Variants in SMC2 observed in about 807,000 individuals in gnomAD.
The protein encoded by SMC2 is structural maintenance of chromosomes protein 2.
A neutral mutation model predicts 142.6 loss-of-function variants in SMC2; 41 were observed. The ratio of observed to expected loss-of-function variants is 0.29; its 90% CI spans 0.22 to 0.37. The LOEUF (loss-of-function observed/expected upper bound fraction) is 0.37. SMC2 is among the 10% of genes least tolerant of loss of function. The pLI, the probability that SMC2 is intolerant of heterozygous loss-of-function variation, is 1.00. For missense variants in SMC2, 1,265 were observed against 1,373.7 expected, an observed-to-expected ratio of 0.92 and a Z score of 1.25; for synonymous variants, 463 against 457.5, an observed-to-expected ratio of 1.01 and a Z score of -0.15.
In SMC2 at chr9:104,131,518, A is replaced by C. The variant is rs538241426; in HGVS notation, c.2992-491A>C. ...ATGTATCCCAAAACTTAAAATTAAA[A>C]AAAAGTAAGGTCCAATTTATGTGGT... On this transcript the variant is annotated intron_variant, in intron 21 of 24. Transcript: ENST00000374793. 3.3e-5 allele frequency among the ~76,000 whole-genome samples: 5 copies of C among 152,242 alleles called. No individual in the cohort carries two copies. The South Asian group carries it at 1.0e-3, about 32-fold the overall frequency.
chr9:104,138,225 T>C (rs1835759966), intron 24 of SMC2, 60 bp downstream of exon 24: 8 of 1,372,972 alleles, frequency 5.8e-6, no homozygotes, highest in Non-Finnish European at 6.9e-6. Flanking sequence ...TCTAAAACCA[T>C]TCTTTAGTTA....
intron 15 of SMC2, 57 bp from the exon 16 acceptor site, chr9:104,119,970 T>G: frequency 6.6e-7 from 1 of 1,524,236 alleles, no homozygotes; most frequent in Admixed American, 2.1e-5. Flanking sequence ...GACTTTTTAT[T>G]GTGTAGTACA....
intron 9 of SMC2, among the ~76,000 whole-genome samples, chr9:104,108,763 C>T (rs1427518345): frequency 9.1e-6 from 1 of 110,408 alleles, no homozygotes; most frequent in Non-Finnish European, 2.1e-5. Context: ...TAGTAATAGA[C>T]AGTAAAATCC....
chr9:104,105,875 AG>A (rs1831709250), intron 9 of SMC2, among the ~76,000 whole-genome samples: 1 of 152,038 alleles, frequency 6.6e-6, no homozygotes. Flanking sequence ...ACAGCTTGGG[AG>A]GTGTTATGCT....
chr9:104,139,377 G>T lies in SMC2; in HGVS notation c.*62G>T. The T allele has an allele frequency of 7.4e-7, 1 of 1,348,806 alleles. No individual in the cohort carries two copies. Among genetic ancestry groups the T allele is most frequent in the Non-Finnish European group, 1.0e-6 (1 of 989,166 alleles). 83.6% of individuals were successfully genotyped at this position (1,348,806 alleles called of 1,614,324 possible). ...TAAATGTAAACTTTTAAGGACTTGA[G>T]ATAACTAATTTGTTTATATACAAAA... On this transcript the variant is annotated 3_prime_UTR_variant, in exon 25 of 25. Transcript: ENST00000374793.
At chr9:104,103,091 G>A (rs1465249637) in intron 9 of SMC2, among the ~76,000 whole-genome samples, 2 of 152,074 alleles carry the variant, frequency 1.3e-5, no homozygotes, top group African/African-American at 4.8e-5. Flanking sequence ...TTAAATCCAT[G>A]AGACTAGATA....
intron 3 of SMC2, among the ~76,000 whole-genome samples, chr9:104,098,181 C>T (rs1052346791): frequency 2.0e-5 from 3 of 152,156 alleles, no homozygotes; most frequent in South Asian, 2.1e-4. Context: ...GAAGTTACCT[C>T]GGAGACCTAG....
intron 18 of SMC2, among the ~76,000 whole-genome samples, chr9:104,125,676 A>G (rs1834188583): frequency 6.6e-6 from 1 of 152,148 alleles, no homozygotes; most frequent in Non-Finnish European, 1.5e-5. Context: ...ATAAGCACCT[A>G]AATGAATGTG....
At position 104,134,315 on chromosome 9, in the gene SMC2, T is replaced by C. The variant is rs539012569; in HGVS notation, c.3109-100T>C. The C allele has an allele frequency of 6.8e-5, 53 of 775,916 alleles. 1 individual carries two copies. In the South Asian group the frequency reaches 1.4e-3, roughly 20 times the overall value. 48.1% of individuals were successfully genotyped at this position (775,916 alleles called of 1,614,324 possible). On this transcript the variant is annotated intron_variant, in intron 22 of 24. Transcript: ENST00000374793. ...TTTGTCAGCCCCTGAGTTAGAGTAA[T>C]AGACAAAGTAGACCTGCTGTGTTGC...
rs117305566 is a variant in SMC2, at chr9:104,125,317, A to C, written c.2451+212A>C. ...CAAAATACAAATTAGAAACTTTTTGAGTGTTGATCTGAGGCTCAAAGGAAA... is the reference window on the plus strand; with the variant it reads ...CAAAATACAAATTAGAAACTTTTTGCGTGTTGATCTGAGGCTCAAAGGAAA... On this transcript the variant is annotated intron_variant, in intron 18 of 24. Transcript: ENST00000374793. 5.5e-3 allele frequency among the ~76,000 whole-genome samples: 831 copies of C among 152,180 alleles called. 2 individuals carry two copies. Among genetic ancestry groups the C allele is most frequent in the East Asian group, 0.015 (79 of 5,178 alleles).
intron 21 of SMC2, 32 bp downstream of exon 21, chr9:104,129,877 A>G (rs1279941747): frequency 1.9e-6 from 3 of 1,541,946 alleles, no homozygotes; most frequent in Middle Eastern, 1.7e-4. Context: ...ATCTGGCCGC[A>G]TTAGAACATG....
At chr9:104,111,952 C>G (rs556717328) in intron 10 of SMC2, 138 bp downstream of exon 10, 6 of 623,460 alleles carry the variant, frequency 9.6e-6, no homozygotes, top group African/African-American at 9.2e-5. Context: ...TTCTGCAACT[C>G]TAATGCCTAA....
upstream of SMC2, among the ~76,000 whole-genome samples, chr9:104,093,420 T>C (rs528747570): frequency 4.6e-5 from 7 of 152,310 alleles, no homozygotes; most frequent in East Asian, 1.3e-3. Flanking sequence ...CCCAGCTTAC[T>C]AGACAAGCTG....
intron 14 of SMC2, 24 bp downstream of exon 14, chr9:104,116,343 A>T (rs769425283): frequency 6.3e-7 from 1 of 1,584,992 alleles, no homozygotes; most frequent in East Asian, 2.3e-5. Context: ...TGTCTTATTT[A>T]TATGTTTAAT....
At position 104,100,391 on chromosome 9, in the gene SMC2, A is replaced by G; in HGVS notation, c.594A>G (p.Ile198Met). 2 of 1,522,464 alleles carry G rather than the reference A, an allele frequency of 1.3e-6. No individual in the cohort carries two copies. The highest frequency in any genetic ancestry group is 1.8e-6 in the Non-Finnish European group (2 of 1,101,624). 94.3% of individuals were successfully genotyped at this position (1,522,464 alleles called of 1,614,324 possible). ...ACTGATTTTTCTTTATTTTCCAGAT[A>G]CTTGAAGAAGAGATTACTCCAACCA... is the stretch of plus-strand genomic sequence containing the variant. ...KEAKLKEIKT[I>M]LEEEITPTIQ... Residue 198 changes from isoleucine (I) to methionine (M), a missense_variant and splice_region_variant, in exon 7 of 25, where the codon ATA (isoleucine) becomes ATG (methionine). Ile to Met is a conservative substitution (Grantham distance 10). Transcript: ENST00000374793.
intron 16 of SMC2, among the ~76,000 whole-genome samples, chr9:104,122,511 G>T (rs1190989491): frequency 1.3e-5 from 2 of 150,564 alleles, no homozygotes; most frequent in Admixed American, 6.6e-5. Flanking sequence ...CTAGTGACAA[G>T]GTACTTTGTG....
chr9:104,130,424 A>G (rs1056025833), intron 21 of SMC2, among the ~76,000 whole-genome samples: 8 of 152,194 alleles, frequency 5.3e-5, no homozygotes, highest in African/African-American at 1.9e-4. Context: ...TAAGATAGCC[A>G]TAAGAAATGG....
rs753899101 is a variant in SMC2, at chr9:104,102,033, A to C, written c.710A>C (p.Tyr237Ser). Reference sequence around the variant, plus strand: ...CATTTGAGTCGTTTATATATTGCTTATCAGTTTTTGCTGGCTGAAGATACC... The same window carrying C: ...CATTTGAGTCGTTTATATATTGCTTCTCAGTTTTTGCTGGCTGAAGATACC... ...IEHLSRLYIA[Y>S]QFLLAEDTKV... Residue 237 changes from tyrosine to serine, a missense_variant, in exon 8 of 25, where the codon TAT becomes TCT. Tyr to Ser is a moderately radical substitution (Grantham distance 144, BLOSUM62 -2). This residue lies in a region of SMC2 where 898 missense variants were observed against 904.2 expected (regional missense o/e 0.99). Coordinates refer to ENST00000374793, the MANE Select transcript of SMC2 (RefSeq NM_006444.3). The C allele has an allele frequency of 2.5e-5, 40 of 1,611,836 alleles. No homozygotes were observed. Among genetic ancestry groups the C allele is most frequent in the Non-Finnish European group, 3.3e-5 (39 of 1,178,556 alleles).
chr9:104,123,305 T>C (rs1402400341), intron 17 of SMC2, 73 bp downstream of exon 17: 1 of 1,443,218 alleles, frequency 6.9e-7, no homozygotes, highest in African/African-American at 1.4e-5. Context: ...GTATCTTCTC[T>C]ACCTGTGCTA....
Sources: allele counts gnomAD v4.1 joint callset (sites outside exome capture counted in the v4.1 genomes callset), GRCh38; gene constraint gnomAD v4.1.1; regional missense constraint gnomAD v4.1.1; transcripts MANE v1.5; gene names NCBI Gene and HGNC (gene_info 2026-07-23, HGNC 2026-07-21).